Variants in PCDH15 observed in about 807,000 individuals in gnomAD.
PCDH15 encodes protocadherin related 15.
A neutral mutation model predicts 178.5 loss-of-function variants in PCDH15; 129 were observed. The observed-to-expected ratio is 0.72, with a 90% CI of 0.63 to 0.84. PCDH15 has a LOEUF of 0.84. Ranked by LOEUF, PCDH15 falls within the 40% of genes least tolerant of loss-of-function variation. The pLI is 0.00. For missense variants in PCDH15, 2,230 were observed against 2,099.9 expected (o/e 1.06, Z -1.21); for synonymous variants, 800 against 732.0 (o/e 1.09, Z -1.50).
chr10:54,775,119 A>G (rs1404966482), intron 1 of PCDH15, among the ~76,000 whole-genome samples: 2 of 152,238 alleles, frequency 1.3e-5, no homozygotes, highest in Admixed American at 6.5e-5. Context: ...CTACTAAAAA[A>G]TAGATTATTT....
intron 6 of PCDH15, among the ~76,000 whole-genome samples, chr10:54,337,363 C>T (rs1249262137): frequency 1.3e-5 from 2 of 151,954 alleles, no homozygotes; most frequent in African/African-American, 4.8e-5. Context: ...TATGATTTGG[C>T]TGAATCCCCA....
At chr10:54,389,170 A>C (rs34217866) in intron 3 of PCDH15, among the ~76,000 whole-genome samples, 28 of 151,612 alleles carry the variant, frequency 1.8e-4, no homozygotes, top group South Asian at 4.2e-4. Flanking sequence ...CAAAACAAAA[A>C]AAAACTGTAG....
At chr10:54,225,522 A>G (rs2053335319) in intron 9 of PCDH15, among the ~76,000 whole-genome samples, 1 of 152,096 alleles carries the variant, frequency 6.6e-6, no homozygotes, top group Non-Finnish European at 1.5e-5. Flanking sequence ...TTGTCATTTC[A>G]TACTTGTACC....
intron 18 of PCDH15, among the ~76,000 whole-genome samples, chr10:54,058,011 T>A (rs1301413894): frequency 6.6e-6 from 1 of 152,212 alleles, no homozygotes; most frequent in Admixed American, 6.5e-5. Flanking sequence ...ATTGTCCATA[T>A]CACTATCAGC....
chr10:55,600,951 A>T (rs574391420), intron 2 of PCDH15, among the ~76,000 whole-genome samples: 213 of 152,214 alleles, frequency 1.4e-3, no homozygotes, highest in African/African-American at 4.9e-3. Flanking sequence ...AGATATTTTC[A>T]GCCATATTTA....
intron 2 of PCDH15, among the ~76,000 whole-genome samples, chr10:55,414,680 A>G (rs1304771776): frequency 6.6e-6 from 1 of 151,274 alleles, no homozygotes; most frequent in Admixed American, 6.6e-5. Flanking sequence ...TTAGATAGAT[A>G]ATTATTGGTG....
At chr10:54,997,053 G>A (rs1387623695) in intron 2 of PCDH15, among the ~76,000 whole-genome samples, 1 of 151,126 alleles carries the variant, frequency 6.6e-6, no homozygotes, top group Non-Finnish European at 1.5e-5. Flanking sequence ...AGGTTGCAGT[G>A]AGCTGAGATC....
intron 3 of PCDH15, among the ~76,000 whole-genome samples, chr10:54,490,271 A>G (rs2079459713): frequency 6.6e-6 from 1 of 152,058 alleles, no homozygotes; most frequent in Non-Finnish European, 1.5e-5. Context: ...TAACACGGTG[A>G]AACTCTGTCT....
chr10:55,091,433 A>G (rs1412787882), intron 2 of PCDH15, among the ~76,000 whole-genome samples: 2 of 150,948 alleles, frequency 1.3e-5, no homozygotes, highest in East Asian at 1.9e-4. Flanking sequence ...ATGCACTTTT[A>G]AAAAATGCTA....
At chr10:53,849,133 A>T (rs969808636) in intron 28 of PCDH15, among the ~76,000 whole-genome samples, 2 of 152,278 alleles carry the variant, frequency 1.3e-5, no homozygotes, top group South Asian at 4.1e-4. Flanking sequence ...CTAAAAAAGT[A>T]AAAAAGATAA....
intron 21 of PCDH15, among the ~76,000 whole-genome samples, chr10:53,992,064 G>C (rs1238189335): frequency 6.6e-6 from 1 of 152,050 alleles, no homozygotes; most frequent in Admixed American, 6.6e-5. Context: ...TGTAACACTT[G>C]CTGCGAAGGT....
At chr10:54,063,227 A>G (rs2094067611) in intron 18 of PCDH15, among the ~76,000 whole-genome samples, 1 of 152,184 alleles carries the variant, frequency 6.6e-6, no homozygotes, top group South Asian at 2.1e-4. Context: ...CACCTTCTAC[A>G]ACATGGTATA....
At chr10:54,601,547 T>TCC (rs2092534432) in intron 2 of PCDH15, among the ~76,000 whole-genome samples, 1 of 151,934 alleles carries the variant, frequency 6.6e-6, no homozygotes, top group Non-Finnish European at 1.5e-5. Context: ...GTAGCATATG[T>TCC]TGGCCTGGTT....
chr10:55,073,354 T>C (rs540046073), intron 2 of PCDH15, among the ~76,000 whole-genome samples: 19 of 151,794 alleles, frequency 1.3e-4, no homozygotes, highest in African/African-American at 4.6e-4. Flanking sequence ...AAAACCCCAT[T>C]GTCTCAGCCC....
chr10:53,930,265 T>C (rs1039158807), intron 25 of PCDH15, among the ~76,000 whole-genome samples: 5 of 151,990 alleles, frequency 3.3e-5, no homozygotes, highest in Middle Eastern at 3.4e-3. Flanking sequence ...GAGATCATCC[T>C]GGCTAACATG....
chr10:55,044,139 G>A (rs1347631758), intron 2 of PCDH15, among the ~76,000 whole-genome samples: 1 of 152,050 alleles, frequency 6.6e-6, no homozygotes, highest in Non-Finnish European at 1.5e-5. Flanking sequence ...TCTCAACAAG[G>A]TGATAATGTC....
At position 54,757,487 on chromosome 10, in the gene PCDH15, C is replaced by T. The variant is rs1253614270; in HGVS notation, c.-29+43438G>A. Reference sequence around the variant, plus strand: ...TAGTAGAGACGGGGTTTCACCGTGTCAGCCAGGATGGTCTCGATCTCCTGA... The same window carrying T: ...TAGTAGAGACGGGGTTTCACCGTGTTAGCCAGGATGGTCTCGATCTCCTGA... On this transcript the variant is annotated intron_variant, in intron 1 of 37. Transcript: ENST00000644397. 5.2e-5 allele frequency among the ~76,000 whole-genome samples: 2 copies of T among 38,676 alleles called. 1 individual carries two copies. The highest frequency in any genetic ancestry group is 1.2e-4 in the Non-Finnish European group (2 of 16,662). 25.4% of individuals were successfully genotyped at this position (38,676 alleles called of 152,430 possible). A position where few individuals can be genotyped will look rare whatever the true frequency, so the allele number is the denominator to read the frequency against.
chr10:55,061,248 G>A (rs893118317), intron 2 of PCDH15, among the ~76,000 whole-genome samples: 2 of 151,994 alleles, frequency 1.3e-5, no homozygotes, highest in Non-Finnish European at 2.9e-5. Context: ...TATAAAAAGC[G>A]AAAAACCTTA....
rs1458196807 is a variant in PCDH15, at chr10:55,365,924, C to T, written c.-155-199273G>A. Among the ~76,000 whole-genome samples, 4 of 152,032 alleles carry T rather than the reference C, an allele frequency of 2.6e-5. No individual in the cohort carries two copies. The South Asian group carries it at 8.3e-4, about 32-fold the overall frequency. ...TTGTATCCTATCAGTAGTTCCCTTT[C>T]CACTCCTTAGATTAGAAAGAGAAGG... On this transcript the variant is annotated intron_variant, in intron 2 of 5. Coordinates refer to the PCDH15 transcript ENST00000613346.
Sources: allele counts gnomAD v4.1 joint callset (sites outside exome capture counted in the v4.1 genomes callset), GRCh38; gene constraint gnomAD v4.1.1; transcripts MANE v1.5; gene names NCBI Gene and HGNC (gene_info 2026-07-23, HGNC 2026-07-21).